Variants in KMT2E observed in about 807,000 individuals in gnomAD.
The protein encoded by KMT2E is lysine methyltransferase 2E (inactive).
Under a neutral mutation model 184.6 loss-of-function variants are expected in KMT2E, and 30 were observed. The ratio of observed to expected loss-of-function variants is 0.16; its 90% CI spans 0.12 to 0.22. The LOEUF (loss-of-function observed/expected upper bound fraction) is 0.22. Ranked by LOEUF, KMT2E falls within the 10% of genes least tolerant of loss-of-function variation. The pLI is 1.00. For synonymous variants in KMT2E, 815 were observed against 776.5 expected (o/e 1.05, Z -0.82); for missense variants, 2,023 against 2,237.4 (o/e 0.90, Z 1.93).
rs561863747 is a variant in KMT2E at position 105,022,981 on chromosome 7, GT to G, written c.-189+8450del. On this transcript the variant is annotated intron_variant, in intron 1 of 26. Coordinates refer to ENST00000311117, the MANE Select transcript of KMT2E (RefSeq NM_182931.3). ...AGTATATGTATAATATTCCTGTACA[GT>G]TTTCCACCGAAATGGGATTTAAATA... Among the ~76,000 whole-genome samples the G allele has an allele frequency of 3.2e-3, 492 of 152,262 alleles. 3 individuals are homozygous for G. Among genetic ancestry groups the G allele is most frequent in the African/African-American group, 0.011 (474 of 41,552 alleles).
At chr7:105,088,065 G>A (rs1229920865) in intron 13 of KMT2E, among the ~76,000 whole-genome samples, 3 of 151,798 alleles carry the variant, frequency 2.0e-5, no homozygotes, top group Non-Finnish European at 4.4e-5. Context: ...TTCTCCTCTC[G>A]AAGGTAGGAG....
In KMT2E at chr7:105,106,615, C is replaced by A. The variant is rs781599830; in HGVS notation, c.2690C>A (p.Thr897Lys). The A allele has an allele frequency of 2.5e-6, 4 of 1,613,964 alleles. No individual in the cohort carries two copies. The highest frequency in any genetic ancestry group is 3.4e-6 in the Non-Finnish European group (4 of 1,179,936). ...TSTPTPSPYA[T>K]PTHTDITPMD... ...ACACCTACTCCTTCCCCGTATGCTA[C>A]ACCAACTCACACCGATATTACTCCT... Residue 897 changes from threonine (T) to lysine (K), a missense_variant, in exon 20 of 27, where the codon ACA becomes AAA. Thr to Lys is a moderately conservative substitution (Grantham distance 78). Transcript: ENST00000311117.
intron 3 of KMT2E, among the ~76,000 whole-genome samples, chr7:105,047,399 C>G (rs1219915559): frequency 2.0e-5 from 3 of 152,240 alleles, no homozygotes; most frequent in Non-Finnish European, 4.4e-5. Flanking sequence ...TGTAAGGCGG[C>G]CTTTCTACCC....
rs761228955 is a variant in KMT2E, at chr7:105,113,464, ATT to A, written c.*135_*136del. On this transcript the variant is annotated 3_prime_UTR_variant, in exon 27 of 27. Transcript: ENST00000311117. The stretch of plus-strand genomic sequence containing the variant: ...AAAAACACCAGTGCTCTTTCGTTGT[ATT>A]TTTCTCATTTTTGCTTTTTAAAATT... The A allele has an allele frequency of 5.9e-6, 6 of 1,020,014 alleles. No homozygotes were observed. Among genetic ancestry groups the A allele is most frequent in the Non-Finnish European group, 8.1e-6 (6 of 737,384 alleles). The allele number at this position is 1,020,014 out of a possible 1,614,324, so 63.2% of individuals were successfully genotyped here. A position where few individuals can be genotyped will look rare whatever the true frequency, so the allele number is the denominator to read the frequency against.
intron 1 of KMT2E, among the ~76,000 whole-genome samples, chr7:105,016,150 G>C (rs903723445): frequency 2.0e-5 from 3 of 152,316 alleles, no homozygotes; most frequent in South Asian, 2.1e-4. Context: ...GACCCATTTT[G>C]TGGATTTTGG....
Position 105,112,783 on chromosome 7 carries a change from A to ACTTACC in KMT2E, c.5029_5034dup (p.Leu1677_Pro1678dup). Reference sequence around the variant, plus strand: ...ATTCATTCTCAAACTGCTGGACACCACTTACCCCCACCCCCACCCCCTCCT... The same window carrying ACTTACC: ...ATTCATTCTCAAACTGCTGGACACCACTTACCCTTACCCCCACCCCCACCCCCTCCT... On this transcript the variant is annotated inframe_insertion, in exon 27 of 27. Transcript: ENST00000311117. 6.3e-7 allele frequency: 1 copy of ACTTACC among 1,599,804 alleles called. No individual in the cohort carries two copies. The highest frequency in any genetic ancestry group is 8.5e-7 in the Non-Finnish European group (1 of 1,173,772).
At chr7:105,065,198 ATG>A in intron 5 of KMT2E, among the ~76,000 whole-genome samples, 1 of 152,082 alleles carries the variant, frequency 6.6e-6, no homozygotes, top group Non-Finnish European at 1.5e-5. Context: ...TTATTTTTAC[ATG>A]TTCCTACTAC....
In KMT2E at chr7:105,077,354, C is replaced by T; in HGVS notation, c.1051C>T (p.Pro351Ser). The T allele has an allele frequency of 6.2e-7, 1 of 1,610,506 alleles. No homozygotes were observed. Among genetic ancestry groups the T allele is most frequent in the Non-Finnish European group, 8.5e-7 (1 of 1,177,130 alleles). ...TCTTAAATCTGCAAAAGATTTGCCTCCTGATGCACTTATCATTGAATACAG... is the reference window on the plus strand; with the variant it reads ...TCTTAAATCTGCAAAAGATTTGCCTTCTGATGCACTTATCATTGAATACAG... ...KILKSAKDLP[P>S]DALIIEYRGK... The change falls in exon 11 of 27, where the codon CCT becomes TCT. Residue 351 changes from proline (P) to serine (S), a missense_variant. By Grantham distance (74) the Pro-to-Ser change is moderately conservative (BLOSUM62 -1). This residue lies in a region of KMT2E where 191 missense variants were observed against 209.0 expected (regional missense o/e 0.91). Transcript: ENST00000311117.
chr7:105,112,402 C>T lies in KMT2E; in HGVS notation c.4646C>T (p.Pro1549Leu). ...AGCACGGCACCACCCCCTCCACCTCCTCCACCTCCTTCTTCGTCTTACTAT... is the reference window on the plus strand; with the variant it reads ...AGCACGGCACCACCCCCTCCACCTCTTCCACCTCCTTCTTCGTCTTACTAT... ...LNSTAPPPPP[P>L]PPPSSSYYQN... The change falls in exon 27 of 27, where the codon CCT becomes CTT. Residue 1549 changes from proline to leucine, a missense_variant. Pro to Leu is a moderately conservative substitution (Grantham distance 98). Coordinates refer to ENST00000311117, the MANE Select transcript of KMT2E (RefSeq NM_182931.3). 1 of 1,613,252 alleles carries T rather than the reference C, an allele frequency of 6.2e-7. No homozygotes were observed. The highest frequency in any genetic ancestry group is 8.5e-7 in the Non-Finnish European group (1 of 1,179,990).
Position 105,112,825 on chromosome 7 carries a change from ACCATCCACCACCCCAT to A in KMT2E, c.5078_5093del (p.Pro1693GlnfsTer14), listed in dbSNP as rs1468157214. ...CCCCCTCCTGGTCCTGCCCCTCATCACCATCCACCACCCCATCCATCCACAGGACTCCAAGGTCTAC... is the reference window on the plus strand; with the variant it reads ...CCCCCTCCTGGTCCTGCCCCTCATCACCATCCACAGGACTCCAAGGTCTAC... On this transcript the variant is annotated frameshift_variant, in exon 27 of 27. Transcript: ENST00000311117. LOFTEE classifies it high-confidence loss of function. 2.3e-6 allele frequency: 3 copies of A among 1,299,466 alleles called. No individual in the cohort carries two copies. Among genetic ancestry groups the A allele is most frequent in the Non-Finnish European group, 3.0e-6 (3 of 1,001,538 alleles). 80.5% of individuals were successfully genotyped at this position (1,299,466 alleles called of 1,614,324 possible). A position where few individuals can be genotyped will look rare whatever the true frequency, so the allele number is the denominator to read the frequency against.
In KMT2E at chr7:105,107,606, A is replaced by G. The variant is rs577670610; in HGVS notation, c.3149A>G (p.Asn1050Ser). The change falls in exon 22 of 27, where the codon AAC (asparagine) becomes AGC (serine). Residue 1050 changes from asparagine to serine, a missense_variant. Transcript: ENST00000311117. ...ETPAHDRAEP[N>S]SQLDSTHSGR... ...CCTGCACATGACAGGGCTGAGCCCA[A>G]CAGCCAACTGGACTCGACTCACTCT... 3.1e-6 allele frequency: 5 copies of G among 1,614,156 alleles called. No homozygotes were observed. The highest frequency in any genetic ancestry group is 3.3e-5 in the Admixed American group (2 of 60,000).
chr7:105,094,718 T>C (rs1453658182), intron 15 of KMT2E, among the ~76,000 whole-genome samples: 1 of 152,242 alleles, frequency 6.6e-6, no homozygotes, highest in Non-Finnish European at 1.5e-5. Context: ...CAAGTTTGCT[T>C]TCCCAGGTTT....
At chr7:105,051,049 C>G (rs964049708) in intron 3 of KMT2E, among the ~76,000 whole-genome samples, 8 of 151,252 alleles carry the variant, frequency 5.3e-5, no homozygotes, top group Non-Finnish European at 1.2e-4. Context: ...TTCTTTCCTT[C>G]TTTCTTTCCT....
intron 10 of KMT2E, 54 bp from the exon 11 acceptor site, chr7:105,077,249 G>A (rs1797569234): frequency 1.2e-6 from 2 of 1,602,078 alleles, no homozygotes; most frequent in African/African-American, 2.7e-5. Context: ...TGAATTTTTA[G>A]TTAAACTGAA....
intron 8 of KMT2E, 106 bp downstream of exon 8, chr7:105,074,921 A>T: frequency 1.3e-6 from 1 of 757,076 alleles, no homozygotes; most frequent in Non-Finnish European, 2.0e-6. Flanking sequence ...GCTAAAAAGG[A>T]TCTAGCAGAA....
At chr7:105,084,336 T>C (rs1562916514) in intron 13 of KMT2E, among the ~76,000 whole-genome samples, 1 of 152,146 alleles carries the variant, frequency 6.6e-6, no homozygotes, top group Non-Finnish European at 1.5e-5. Context: ...ACTCAAAATT[T>C]ACTGTATTGA....
Position 105,112,635 on chromosome 7 carries a change from C to G in KMT2E, c.4879C>G (p.Pro1627Ala). ...CCATCAAACTGCTGCTGCCGTAGTC[C>G]CCCCTCCTCCTCCACCACCACCTGC... is the stretch of plus-strand genomic sequence containing the variant. ...IHHQTAAAVV[P>A]PPPPPPPAPG... Residue 1627 changes from proline (P) to alanine (A), a missense_variant, in exon 27 of 27, where the codon CCC becomes GCC. Physicochemically the swap from Pro to Ala is conservative, Grantham distance 27 (BLOSUM62 -1). This residue lies in a region of KMT2E where 1,108 missense variants were observed against 1,050.9 expected (regional missense o/e 1.05). Coordinates refer to ENST00000311117, the MANE Select transcript of KMT2E (RefSeq NM_182931.3). 2 of 1,613,834 alleles carry G rather than the reference C, an allele frequency of 1.2e-6. No homozygotes were observed. Among genetic ancestry groups the G allele is most frequent in the South Asian group, 1.1e-5 (1 of 91,064 alleles).
chr7:105,060,788 A>T (rs1359318420), intron 3 of KMT2E, among the ~76,000 whole-genome samples: 1 of 151,976 alleles, frequency 6.6e-6, no homozygotes, highest in Non-Finnish European at 1.5e-5. Flanking sequence ...GCATTGTGTT[A>T]CCTACAATAT....
chr7:105,049,785 G>A (rs1043764325), intron 3 of KMT2E, among the ~76,000 whole-genome samples: 3 of 151,804 alleles, frequency 2.0e-5, no homozygotes, highest in African/African-American at 7.3e-5. Context: ...CCAGCTACTC[G>A]GAGGCACACG....
Sources: gnomAD v4.1 joint callset for allele counts (sites outside exome capture counted in the v4.1 genomes callset) on GRCh38, gnomAD v4.1.1 for gene constraint, gnomAD v4.1.1 regional missense constraint, MANE v1.5 for transcripts, NCBI Gene and HGNC (gene_info 2026-07-23, HGNC 2026-07-21) for gene names.